The following ERG variants were observed in gnomAD, a reference collection of about 807,000 sequenced individuals.
ERG encodes the protein transcriptional regulator ERG.
Under a neutral mutation model 55.3 loss-of-function variants are expected in ERG, and 9 were observed. That is an observed-to-expected ratio of 0.16 (90% CI 0.10 to 0.28). The LOEUF is 0.28. Ranked by LOEUF, ERG falls within the 10% of genes least tolerant of loss-of-function variation. The pLI is 1.00. For missense variants in ERG, 434 were observed against 631.6 expected, an observed-to-expected ratio of 0.69 and a Z score of 3.35; for synonymous variants, 223 against 237.3, an observed-to-expected ratio of 0.94 and a Z score of 0.55.
At chr21:38,643,549 C>A (rs1568969233) in intron 1 of ERG, among the ~76,000 whole-genome samples, 2 of 152,152 alleles carry the variant, frequency 1.3e-5, no homozygotes, top group Non-Finnish European at 2.9e-5. Context: ...TAGAATGGGT[C>A]TTCAAGCTAC....
chr21:38,450,310 G>A (rs370502119), intron 1 of ERG, among the ~76,000 whole-genome samples: 15 of 152,044 alleles, frequency 9.9e-5, no homozygotes, highest in East Asian at 3.8e-4. Context: ...CCCGGGAAGC[G>A]GAGGTTGCAG....
chr21:38,437,335 G>T (rs540670230), intron 2 of ERG, among the ~76,000 whole-genome samples: 2 of 152,174 alleles, frequency 1.3e-5, no homozygotes, highest in Admixed American at 1.3e-4. Flanking sequence ...TTGGACAGGT[G>T]GGGGTGGGGG....
At chr21:38,432,208 C>A (rs574385191) in intron 2 of ERG, among the ~76,000 whole-genome samples, 1 of 152,270 alleles carries the variant, frequency 6.6e-6, no homozygotes, top group Non-Finnish European at 1.5e-5. Context: ...GATCCTCTTG[C>A]CTCAGCCTCC....
At position 38,382,813 on chromosome 21, in the gene ERG, G is replaced by C; in HGVS notation, c.*590C>G. 9.4e-7 allele frequency: 1 copy of C among 1,066,244 alleles called. No homozygotes were observed. Among genetic ancestry groups the C allele is most frequent in the Non-Finnish European group, 1.1e-6 (1 of 879,588 alleles). The allele number at this position is 1,066,244 out of a possible 1,614,324, so 66.0% of individuals were successfully genotyped here. A position where few individuals can be genotyped will look rare whatever the true frequency, so the allele number is the denominator to read the frequency against. ...TTGGAAACTTTGGGTCATCTTCACA[G>C]TTTGAGAAAGCTGACAGCTGTCCAT... On this transcript the variant is annotated 3_prime_UTR_variant, in exon 10 of 10. Transcript: ENST00000288319.
At chr21:38,473,648 G>A (rs1348166595) in intron 1 of ERG, among the ~76,000 whole-genome samples, 1 of 151,986 alleles carries the variant, frequency 6.6e-6, no homozygotes, top group East Asian at 1.9e-4. Context: ...AATTGAGAGA[G>A]GGAAAATTTT....
At chr21:38,415,434 G>A (rs964291075) in intron 3 of ERG, among the ~76,000 whole-genome samples, 6 of 152,162 alleles carry the variant, frequency 3.9e-5, no homozygotes, top group African/African-American at 1.4e-4. Context: ...TTCCTCAACC[G>A]CTATTCAGCT....
intron 8 of ERG, among the ~76,000 whole-genome samples, 156 bp from the exon 9 acceptor site, chr21:38,391,198 G>C (rs1987953101): frequency 6.6e-6 from 1 of 152,188 alleles, no homozygotes; most frequent in Non-Finnish European, 1.5e-5. Flanking sequence ...CTCTATGAGA[G>C]AAGATGTCAC....
intron 3 of ERG, among the ~76,000 whole-genome samples, chr21:38,406,171 AAAAAT>A (rs1276458714): frequency 1.3e-5 from 2 of 150,654 alleles, no homozygotes; most frequent in African/African-American, 2.4e-5. Context: ...AAAAAAAAAA[AAAAAT>A]CATCAGTGCG....
intron 1 of ERG, among the ~76,000 whole-genome samples, chr21:38,655,885 TTTG>T (rs747255169): frequency 6.6e-6 from 1 of 152,164 alleles, no homozygotes; most frequent in Non-Finnish European, 1.5e-5. Context: ...CCTCAAATTA[TTTG>T]GTGAACAGGC....
chr21:38,459,879 A>AT lies in ERG; in HGVS notation c.19-14259dup, dbSNP rs558138518. Among the ~76,000 whole-genome samples the AT allele has an allele frequency of 2.6e-5, 4 of 152,384 alleles. No homozygotes were observed. The South Asian group carries it at 8.3e-4, about 32-fold the overall frequency. On this transcript the variant is annotated intron_variant, in intron 1 of 9. Coordinates refer to ENST00000288319, the MANE Select transcript of ERG (RefSeq NM_182918.4). ...ATTCTAGCACTACAAGCCACAGATA[A>AT]TTTTTGAAAATCAATTAATCAACCA...
chr21:38,627,023 A>T (rs1424456673), intron 1 of ERG, among the ~76,000 whole-genome samples: 1 of 152,218 alleles, frequency 6.6e-6, no homozygotes, highest in Non-Finnish European at 1.5e-5. Flanking sequence ...ACTTGAACAA[A>T]TGTATTGGCA....
chr21:38,423,084 AGTGTGTGTGTGTGT>A (rs71184624), intron 3 of ERG, among the ~76,000 whole-genome samples: 91 of 144,320 alleles, frequency 6.3e-4, no homozygotes, highest in African/African-American at 2.1e-3. Flanking sequence ...CTCCATACGT[AGTGTGTGTGTGTGT>A]GTGTGTGTGT....
At chr21:38,570,629 C>T (rs2059951823) in intron 2 of ERG, among the ~76,000 whole-genome samples, 1 of 152,174 alleles carries the variant, frequency 6.6e-6, no homozygotes, top group Non-Finnish European at 1.5e-5. Flanking sequence ...AAAACAGATG[C>T]TTCCGTTTCA....
intron 2 of ERG, among the ~76,000 whole-genome samples, chr21:38,527,850 AC>A (rs869091999): frequency 1.1e-4 from 12 of 112,936 alleles, no homozygotes; most frequent in African/African-American, 5.0e-4. Context: ...TTTAGGCACA[AC>A]TGTGGATCTC....
intron 3 of ERG, among the ~76,000 whole-genome samples, chr21:38,407,634 G>GTATGTATATATATATATATATATATATA (rs1555894516): frequency 3.0e-4 from 1 of 3,298 alleles, no homozygotes; most frequent in Admixed American, 2.5e-3. Context: ...CTTACAAAAG[G>GTATGTATATATATATATATATATATATA]TATATATATA....
intron 2 of ERG, among the ~76,000 whole-genome samples, chr21:38,563,520 C>T (rs1359576812): frequency 6.6e-6 from 1 of 152,202 alleles, no homozygotes; most frequent in Non-Finnish European, 1.5e-5. Flanking sequence ...GAGAGCACGT[C>T]CTCTCTGCTA....
At chr21:38,599,215 G>T (rs1370394620) in intron 1 of ERG, among the ~76,000 whole-genome samples, 2 of 152,086 alleles carry the variant, frequency 1.3e-5, no homozygotes, top group Non-Finnish European at 2.9e-5. Context: ...GAGGGCCTGG[G>T]TATATCCTTG....
rs544037525 is a variant in ERG, at chr21:38,480,591, C to CTTTTTTTTTTTTTTTTTTTT, written c.18+17752_18+17771dup. On this transcript the variant is annotated intron_variant, in intron 1 of 9. Transcript: ENST00000288319. ...TTGCCACTTTAGGGCACTATATGGC[C>CTTTTTTTTTTTTTTTTTTTT]TTTTTTTTTTTTTTTTTTTTTTTGC... Among the ~76,000 whole-genome samples, 80 of 51,124 alleles carry CTTTTTTTTTTTTTTTTTTTT rather than the reference C, an allele frequency of 1.6e-3. 17 individuals are homozygous for CTTTTTTTTTTTTTTTTTTTT. The highest frequency in any genetic ancestry group is 1.9e-3 in the Non-Finnish European group (56 of 29,096). The allele number at this position is 51,124 out of a possible 152,430, so 33.5% of individuals were successfully genotyped here.
At chr21:38,378,916 C>T (rs1987312423), downstream of ERG, among the ~76,000 whole-genome samples, 2 of 152,272 alleles carry the variant, frequency 1.3e-5, no homozygotes, top group Middle Eastern at 6.8e-3. Context: ...TTCAATCTGT[C>T]AAGACATTTT....
Sources: allele counts gnomAD v4.1 joint callset (sites outside exome capture counted in the v4.1 genomes callset), GRCh38; gene constraint gnomAD v4.1.1; transcripts MANE v1.5; gene names NCBI Gene and HGNC (gene_info 2026-07-23, HGNC 2026-07-21).